NCF4: variants seen among roughly 807,000 people sequenced by gnomAD.
The protein encoded by NCF4 is neutrophil cytosolic factor 4, also known as neutrophil cytosol factor 4.
In NCF4, 30 loss-of-function variants were observed where a neutral mutation model predicts 41.7. The observed-to-expected ratio is 0.72, with a 90% CI of 0.54 to 0.97. The LOEUF (loss-of-function observed/expected upper bound fraction) is 0.97. Ranked by LOEUF, NCF4 falls within the 50% of genes least tolerant of loss-of-function variation. The pLI is 0.00. For missense variants in NCF4, 432 were observed against 460.9 expected (o/e 0.94, Z 0.57); for synonymous variants, 195 against 175.8 (o/e 1.11, Z -0.87).
Position 36,875,778 on chromosome 22 carries a change from C to T in NCF4, c.753C>T (p.Thr251=). ...ACTACTACGAAGACACCATCAGCAC[C>T]ATCAAGTCTGTGGCCTGGGAGGGAG... The part of the protein sequence containing the change: ...RCYYYEDTIS[T]IKDIAVEEDL... Residue 251 remains threonine, a synonymous_variant, in exon 8 of 10, where the codon ACC becomes ACT. Coordinates refer to ENST00000248899, the MANE Select transcript of NCF4 (RefSeq NM_000631.5). The T allele has an allele frequency of 1.9e-6, 3 of 1,614,162 alleles. No individual in the cohort carries two copies. The highest frequency in any genetic ancestry group is 2.5e-6 in the Non-Finnish European group (3 of 1,180,028).
At chr22:36,863,434 C>T (rs1230719651) in intron 1 of NCF4, among the ~76,000 whole-genome samples, 1 of 151,180 alleles carries the variant, frequency 6.6e-6, no homozygotes, top group Non-Finnish European at 1.5e-5. Context: ...CAATGTCTGT[C>T]CTGCTTGACT....
intron 2 of NCF4, 141 bp from the exon 3 acceptor site, chr22:36,864,777 CA>C: frequency 1.0e-6 from 1 of 961,724 alleles, no homozygotes; most frequent in Non-Finnish European, 1.6e-6. Context: ...TTTGACTTGA[CA>C]GGGGTCTCCT....
intron 2 of NCF4, 90 bp from the exon 3 acceptor site, chr22:36,864,829 C>T: frequency 5.1e-6 from 7 of 1,385,788 alleles, no homozygotes; most frequent in East Asian, 2.4e-5. Flanking sequence ...CATCATCTTC[C>T]TCCTCCTCCT....
At chr22:36,873,127 AT>A (rs1940119854) in intron 7 of NCF4, among the ~76,000 whole-genome samples, 1 of 126,146 alleles carries the variant, frequency 7.9e-6, no homozygotes, top group Admixed American at 7.9e-5. Flanking sequence ...TGGAGGTGAG[AT>A]TGGAGGTAAG....
At position 36,863,913 on chromosome 22, in the gene NCF4, C is replaced by A; in HGVS notation, c.33-132C>A. 3.5e-6 allele frequency: 3 copies of A among 863,394 alleles called. No homozygotes were observed. In the South Asian group the frequency reaches 4.0e-5, roughly 11 times the overall value. 53.5% of individuals were successfully genotyped at this position (863,394 alleles called of 1,614,324 possible). ...CCCAGGGTCAGTGGCTGGACCTGGC[C>A]TGGGAAGGGGTGCTGAGAGACGAAT... On this transcript the variant is annotated intron_variant, in intron 1 of 9. Coordinates refer to ENST00000248899, the MANE Select transcript of NCF4 (RefSeq NM_000631.5).
At position 36,865,203 on chromosome 22, in the gene NCF4, C is replaced by A; in HGVS notation, c.271+131C>A. 1 of 1,365,146 alleles carries A rather than the reference C, an allele frequency of 7.3e-7. No individual in the cohort carries two copies. The highest frequency in any genetic ancestry group is 1.0e-6 in the Non-Finnish European group (1 of 994,060). The allele number at this position is 1,365,146 out of a possible 1,614,324, so 84.6% of individuals were successfully genotyped here. The stretch of plus-strand genomic sequence containing the variant: ...TCATGTAGTTTATAGCCCCCACTCC[C>A]GGCAGTTACAGGCTGCCAAGCCCTC... On this transcript the variant is annotated intron_variant, in intron 3 of 9. Coordinates refer to ENST00000248899, the MANE Select transcript of NCF4 (RefSeq NM_000631.5). This position sits in a 1 kb window ranked among gnomAD's most constrained non-coding sequence, Gnocchi z 4.3.
chr22:36,864,786 C>A, intron 2 of NCF4, 133 bp from the exon 3 acceptor site: 1 of 1,083,176 alleles, frequency 9.2e-7, no homozygotes, highest in Non-Finnish European at 1.4e-6. Flanking sequence ...ACAGGGGTCT[C>A]CTTCTCCAGA....
intron 7 of NCF4, among the ~76,000 whole-genome samples, chr22:36,874,951 T>C (rs1262996835): frequency 2.0e-5 from 3 of 152,208 alleles, no homozygotes; most frequent in Non-Finnish European, 2.9e-5. Flanking sequence ...GGATAGGTCA[T>C]TGTTCACAGC....
At chr22:36,862,700 G>A (rs1939803815) in intron 1 of NCF4, among the ~76,000 whole-genome samples, 1 of 152,238 alleles carries the variant, frequency 6.6e-6, no homozygotes, top group African/African-American at 2.4e-5. Flanking sequence ...AAGCGAGCCT[G>A]GATTGTTCTG....
intron 4 of NCF4, among the ~76,000 whole-genome samples, chr22:36,868,277 T>C (rs1731818915): frequency 6.6e-6 from 1 of 152,262 alleles, no homozygotes; most frequent in South Asian, 2.1e-4. Flanking sequence ...CCTTTAGTCT[T>C]GACTCTGACA....
At chr22:36,870,666 ATGATT>A (rs1203095192) in intron 5 of NCF4, 124 bp downstream of exon 5, 3 of 1,337,442 alleles carry the variant, frequency 2.2e-6, no homozygotes, top group Non-Finnish European at 3.1e-6. Context: ...ACACTCCAGG[ATGATT>A]TGATTTATTA....
intron 4 of NCF4, among the ~76,000 whole-genome samples, chr22:36,868,253 C>T (rs529011225): frequency 6.6e-6 from 1 of 152,328 alleles, no homozygotes; most frequent in Admixed American, 6.5e-5. Flanking sequence ...AGCTGGAGAG[C>T]GCTGGGCTAG....
At position 36,865,001 on chromosome 22, in the gene NCF4, G is replaced by C; in HGVS notation, c.200G>C (p.Ser67Thr). Residue 67 changes from serine to threonine, a missense_variant, in exon 3 of 10, where the codon AGC becomes ACC. Coordinates refer to ENST00000248899, the MANE Select transcript of NCF4 (RefSeq NM_000631.5). The surrounding 1 kb of genome is among the most constrained non-coding windows in gnomAD (Gnocchi z 4.3). ...TACCGCCAGTTCCATGCTTTGCAGA[G>C]CAAGCTGGAGGAGCGCTTCGGGCCA... ...RRYRQFHALQSKLEERFGPDS... is the reference protein window; with the variant it reads ...RRYRQFHALQTKLEERFGPDS... The C allele has an allele frequency of 6.2e-7, 1 of 1,614,068 alleles. No homozygotes were observed. The highest frequency in any genetic ancestry group is 8.5e-7 in the Non-Finnish European group (1 of 1,180,030).
At chr22:36,862,450 G>A (rs1261493845) in intron 1 of NCF4, among the ~76,000 whole-genome samples, 3 of 152,188 alleles carry the variant, frequency 2.0e-5, no homozygotes, top group Admixed American at 6.5e-5. Context: ...CCAGCCGCAC[G>A]CAAACTCGAA....
At chr22:36,869,800 TC>T (rs761460490) in intron 4 of NCF4, among the ~76,000 whole-genome samples, 3 of 152,200 alleles carry the variant, frequency 2.0e-5, no homozygotes, top group Non-Finnish European at 4.4e-5. Context: ...CCAGGTACTT[TC>T]CCTCTCCAAG....
In NCF4 at chr22:36,876,040, T is replaced by C; in HGVS notation, c.770T>C (p.Val257Ala). The C allele has an allele frequency of 6.2e-7, 1 of 1,611,994 alleles. No individual in the cohort carries two copies. The highest frequency in any genetic ancestry group is 8.5e-7 in the Non-Finnish European group (1 of 1,178,786). The change falls in exon 9 of 10, where the codon GTG (valine) becomes GCG (alanine). Residue 257 changes from valine to alanine, a missense_variant. Val to Ala is a moderately conservative substitution (Grantham distance 64, BLOSUM62 0). Transcript: ENST00000248899. ...TGTCACCCCCTTAGGGACATCGCGG[T>C]GGAGGAAGATCTCAGCAGCACTCCC... Reference protein sequence around the residue: ...DTISTIKDIAVEEDLSSTPLL... With the variant: ...DTISTIKDIAAEEDLSSTPLL...
intron 1 of NCF4, 92 bp from the exon 2 acceptor site, chr22:36,863,953 A>G (rs1601546163): frequency 1.7e-6 from 2 of 1,207,702 alleles, no homozygotes; most frequent in East Asian, 2.3e-5. Flanking sequence ...GCTTCACAAC[A>G]TTAGTTTGCT....
chr22:36,871,596 G>T, intron 5 of NCF4, 56 bp from the exon 6 acceptor site: 1 of 1,538,646 alleles, frequency 6.5e-7, no homozygotes, highest in East Asian at 2.4e-5. Context: ...ACAGGAGCAG[G>T]AAGCTGGGCC....
At chr22:36,867,728 G>T (rs1939961744) in intron 4 of NCF4, among the ~76,000 whole-genome samples, 2 of 152,216 alleles carry the variant, frequency 1.3e-5, no homozygotes, top group African/African-American at 4.8e-5. Flanking sequence ...AAGCCCCACA[G>T]GTGAATGTCT....
Sources: allele counts gnomAD v4.1 joint callset (sites outside exome capture counted in the v4.1 genomes callset), GRCh38; gene constraint gnomAD v4.1.1; non-coding constraint Gnocchi (gnomAD v3.1); transcripts MANE v1.5; gene names NCBI Gene and HGNC (gene_info 2026-07-23, HGNC 2026-07-21).